PLCG2: variants seen among roughly 807,000 people sequenced by gnomAD.
The protein encoded by PLCG2 is phospholipase C gamma 2.
In PLCG2, 69 loss-of-function variants were observed where a neutral mutation model predicts 175.6. That is an observed-to-expected ratio of 0.39 (90% CI 0.32 to 0.48). PLCG2 has a LOEUF of 0.48. Ranked by LOEUF, PLCG2 falls within the 20% of genes least tolerant of loss-of-function variation. The probability of loss-of-function intolerance (pLI) is 0.91; values close to 1 mark genes in which losing one functional copy is unlikely to be tolerated. For missense variants in PLCG2, 1,798 were observed against 1,650.9 expected (o/e 1.09, Z -1.54); for synonymous variants, 827 against 624.0 (o/e 1.33, Z -4.85).
intron 17 of PLCG2, among the ~76,000 whole-genome samples, chr16:81,909,328 T>G (rs933112225): frequency 6.6e-6 from 1 of 152,142 alleles, no homozygotes; most frequent in African/African-American, 2.4e-5. Flanking sequence ...TGAAAGTCTG[T>G]GAGGAAGGCT....
At position 81,816,651 on chromosome 16, in the gene PLCG2, A is replaced by ACTTTTTTTTTT. The variant is rs1555509092; in HGVS notation, c.193+30469_193+30470insCTTTTTTTTTT. 7.2e-3 allele frequency among the ~76,000 whole-genome samples: 789 copies of ACTTTTTTTTTT among 108,872 alleles called. 250 individuals carry two copies. The highest frequency in any genetic ancestry group is 0.029 in the African/African-American group (765 of 26,496). 71.4% of individuals were successfully genotyped at this position (108,872 alleles called of 152,430 possible). A position where few individuals can be genotyped will look rare whatever the true frequency, so the allele number is the denominator to read the frequency against. On this transcript the variant is annotated intron_variant, in intron 2 of 32. Transcript: ENST00000564138. ...GCACCACCATGCCCAGCTAATTTTA[A>ACTTTTTTTTTT]TTTTTTTTTTTTTTTTTTTTTTTTT...
At chr16:81,864,253 C>G (rs1907119521) in intron 5 of PLCG2, among the ~76,000 whole-genome samples, 1 of 152,180 alleles carries the variant, frequency 6.6e-6, no homozygotes, top group South Asian at 2.1e-4. Flanking sequence ...TGCTGCTGGT[C>G]TGGGAGCTAC....
chr16:81,934,323 G>A (rs976081944), intron 25 of PLCG2, 106 bp from the exon 26 acceptor site: 1 of 689,160 alleles, frequency 1.5e-6, no homozygotes, highest in South Asian at 1.6e-5. Flanking sequence ...TTAAAGATCC[G>A]AGTGTGCAAG....
intron 31 of PLCG2, among the ~76,000 whole-genome samples, chr16:81,947,862 T>C (rs1272666303): frequency 6.6e-6 from 1 of 152,232 alleles, no homozygotes; most frequent in Admixed American, 6.5e-5. Context: ...GTCCCCCAGA[T>C]AGCCTGTATC....
At chr16:81,787,600 C>T (rs1424963460) in intron 2 of PLCG2, among the ~76,000 whole-genome samples, 1 of 150,708 alleles carries the variant, frequency 6.6e-6, no homozygotes, top group South Asian at 2.1e-4. Context: ...AGAATTCACC[C>T]ATTGTATGCA....
In PLCG2 at chr16:81,959,852, AG is replaced by A; in HGVS notation, c.*1856del. 5.3e-6 allele frequency: 1 copy of A among 187,000 alleles called. No homozygotes were observed. The highest frequency in any genetic ancestry group is 1.1e-5 in the Non-Finnish European group (1 of 88,596). The allele number at this position is 187,000 out of a possible 1,614,324, so 11.6% of individuals were successfully genotyped here. A position where few individuals can be genotyped will look rare whatever the true frequency, so the allele number is the denominator to read the frequency against. On this transcript the variant is annotated 3_prime_UTR_variant, in exon 33 of 33. Coordinates refer to ENST00000564138, the MANE Select transcript of PLCG2 (RefSeq NM_002661.5). The stretch of plus-strand genomic sequence containing the variant: ...TTAGGACTTCCACACAGCAGAGCTC[AG>A]GTGTTGCTGTCATTACCTCCTTTCA...
chr16:81,808,177 T>C (rs967661601), intron 2 of PLCG2, among the ~76,000 whole-genome samples: 3 of 152,242 alleles, frequency 2.0e-5, no homozygotes, highest in Non-Finnish European at 4.4e-5. Context: ...TGCTGGGCCA[T>C]GCAGTAACCA....
chr16:81,825,283 A>ATTT lies in PLCG2; in HGVS notation c.194-29140_194-29138dup, dbSNP rs577002663. On this transcript the variant is annotated intron_variant, in intron 2 of 32. Coordinates refer to ENST00000564138, the MANE Select transcript of PLCG2 (RefSeq NM_002661.5). ...AAATTAGATCTGAAGAGATGCTCTA[A>ATTT]TTTTTTTTTTTTTTTTTTTTTTTGA... Among the ~76,000 whole-genome samples, 110 of 115,886 alleles carry ATTT rather than the reference A, an allele frequency of 9.5e-4. 1 individual carries two copies. The highest frequency in any genetic ancestry group is 2.1e-3 in the African/African-American group (63 of 29,416). The allele number at this position is 115,886 out of a possible 152,430, so 76.0% of individuals were successfully genotyped here.
chr16:81,796,321 C>A (rs1010309835), intron 2 of PLCG2, among the ~76,000 whole-genome samples: 7 of 152,222 alleles, frequency 4.6e-5, no homozygotes, highest in Non-Finnish European at 1.5e-5. Context: ...TTTGGTTTTG[C>A]AACCTCCCAA....
At chr16:81,923,088 A>T (rs543922931) in intron 21 of PLCG2, among the ~76,000 whole-genome samples, 1 of 152,316 alleles carries the variant, frequency 6.6e-6, no homozygotes, top group East Asian at 1.9e-4. Context: ...CTGTGATGAC[A>T]GTCTTGGCTT....
At chr16:81,805,729 A>T (rs1156572113) in intron 2 of PLCG2, among the ~76,000 whole-genome samples, 2 of 142,228 alleles carry the variant, frequency 1.4e-5, no homozygotes, top group African/African-American at 5.3e-5. Flanking sequence ...ATACAGTGTG[A>T]GTCACCAATA....
chr16:81,773,173 G>C (rs1453020131), intron 2 of PLCG2, among the ~76,000 whole-genome samples: 1 of 152,152 alleles, frequency 6.6e-6, no homozygotes, highest in Admixed American at 6.6e-5. Context: ...GTGTGGGGGG[G>C]CGTTGGGAAA....
In PLCG2 at chr16:81,882,381, C is replaced by G. The variant is rs149979907; in HGVS notation, c.693-888C>G. On this transcript the variant is annotated intron_variant, in intron 8 of 32. Coordinates refer to ENST00000564138, the MANE Select transcript of PLCG2 (RefSeq NM_002661.5). ...CTTTCACACTGCAGTTAATTTTGCCCTGATGGCCTGGAGTCTGGTGGGGCC... is the reference window on the plus strand; with the variant it reads ...CTTTCACACTGCAGTTAATTTTGCCGTGATGGCCTGGAGTCTGGTGGGGCC... 6.2e-3 allele frequency among the ~76,000 whole-genome samples: 942 copies of G among 152,206 alleles called. 4 individuals carry two copies. The highest frequency in any genetic ancestry group is 0.011 in the Non-Finnish European group (737 of 68,018).
chr16:81,955,566 T>A (rs966576869), intron 31 of PLCG2, among the ~76,000 whole-genome samples: 1 of 152,224 alleles, frequency 6.6e-6, no homozygotes, highest in Non-Finnish European at 1.5e-5. Context: ...CTGAAAAGTT[T>A]AGGGGTAGGT....
chr16:81,757,441 G>A (rs1909952943), intron 2 of PLCG2, among the ~76,000 whole-genome samples: 1 of 152,110 alleles, frequency 6.6e-6, no homozygotes, highest in South Asian at 2.1e-4. Context: ...GCAGGTGGCT[G>A]TAATCCCAGC....
At chr16:81,935,942 C>G (rs1910692727) in intron 26 of PLCG2, 1 of 984,798 alleles carries the variant, frequency 1.0e-6, no homozygotes, top group Non-Finnish European at 1.2e-6. Flanking sequence ...TAATTCTAGC[C>G]TAAAAGGTGG....
chr16:81,936,059 G>T (rs1034724081), intron 26 of PLCG2, 110 bp from the exon 27 acceptor site: 22 of 1,490,948 alleles, frequency 1.5e-5, no homozygotes, highest in Non-Finnish European at 2.0e-5. Context: ...GTCAAAGAGG[G>T]AGATTCCTGG....
intron 5 of PLCG2, among the ~76,000 whole-genome samples, chr16:81,864,311 C>T (rs988124939): frequency 3.9e-5 from 6 of 152,196 alleles, no homozygotes; most frequent in African/African-American, 1.4e-4. Flanking sequence ...GGGCACCCCT[C>T]ACCACAGGTG....
chr16:81,922,639 A>G (rs1391980855), intron 21 of PLCG2, among the ~76,000 whole-genome samples: 4 of 152,200 alleles, frequency 2.6e-5, no homozygotes, highest in South Asian at 2.1e-4. Context: ...TTGAACCTAC[A>G]TATCTGACTC....
Sources: allele counts gnomAD v4.1 joint callset (sites outside exome capture counted in the v4.1 genomes callset), GRCh38; gene constraint gnomAD v4.1.1; transcripts MANE v1.5; gene names NCBI Gene and HGNC (gene_info 2026-07-23, HGNC 2026-07-21).